The following RASSF2 variants were observed in gnomAD, a reference collection of about 807,000 sequenced individuals.
RASSF2 encodes Ras association domain family member 2.
In RASSF2, 34 loss-of-function variants were observed where a neutral mutation model predicts 46.3. The ratio of observed to expected loss-of-function variants is 0.73; its 90% CI spans 0.56 to 0.98. The LOEUF (loss-of-function observed/expected upper bound fraction) is 0.98. Among genes scored for constraint, RASSF2 ranks in the 50% least tolerant of loss-of-function variants. The pLI is 0.00. For missense variants in RASSF2, 364 were observed against 431.2 expected, an observed-to-expected ratio of 0.84 and a Z score of 1.38; for synonymous variants, 158 against 162.5, an observed-to-expected ratio of 0.97 and a Z score of 0.21.
intron 2 of RASSF2, among the ~76,000 whole-genome samples, chr20:4,807,594 T>G (rs1009049256): frequency 6.6e-6 from 1 of 152,206 alleles, no homozygotes; most frequent in African/African-American, 2.4e-5. Flanking sequence ...CTTACCAGAT[T>G]GATACACATC....
At chr20:4,813,012 C>T (rs973605251) in intron 2 of RASSF2, among the ~76,000 whole-genome samples, 1 of 152,106 alleles carries the variant, frequency 6.6e-6, no homozygotes, top group Non-Finnish European at 1.5e-5. Flanking sequence ...GAGAGAGGCC[C>T]AGAGCCGCAG....
In RASSF2 at chr20:4,789,869, A is replaced by G. The variant is rs559183389; in HGVS notation, c.538-172T>C. Among the ~76,000 whole-genome samples, 50 of 152,316 alleles carry G rather than the reference A, an allele frequency of 3.3e-4. 1 individual carries two copies. The highest frequency in any genetic ancestry group is 3.4e-3 in the Middle Eastern group (1 of 294). ...AGACAAAGCAACCCTCGGGGTTTGC[A>G]TAATTCAGTTCATGCTCCACGCTCA... On this transcript the variant is annotated intron_variant, in intron 7 of 11. Coordinates refer to ENST00000379400, the MANE Select transcript of RASSF2 (RefSeq NM_014737.3).
rs1391690447 is a variant in RASSF2, at chr20:4,792,584, C to G, written c.331G>C (p.Glu111Gln). The change falls in exon 6 of 12, where the codon GAG (glutamate) becomes CAG (glutamine). Residue 111 changes from glutamate to glutamine, a missense_variant. Transcript: ENST00000379400. ...PLTVPKVQISEVDAPPEGDQM... is the reference protein window; with the variant it reads ...PLTVPKVQISQVDAPPEGDQM... Reference sequence around the variant, plus strand: ...TCACCCTCCGGCGGGGCATCCACCTCTGAGATCTGAACTTTGGGCACAGTC... The same window carrying G: ...TCACCCTCCGGCGGGGCATCCACCTGTGAGATCTGAACTTTGGGCACAGTC... 7 of 1,614,056 alleles carry G rather than the reference C, an allele frequency of 4.3e-6. No homozygotes were observed. Among genetic ancestry groups the G allele is most frequent in the Admixed American group, 1.7e-5 (1 of 60,006 alleles).
chr20:4,786,571 CATG>C (rs778256607), intron 10 of RASSF2, among the ~76,000 whole-genome samples: 11 of 152,152 alleles, frequency 7.2e-5, no homozygotes, highest in Non-Finnish European at 1.6e-4. Context: ...GCATTCAATT[CATG>C]ATGAGGTGAA....
Position 4,792,585 on chromosome 20 carries a change from T to C in RASSF2, c.330A>G (p.Ser110=). ...KPLTVPKVQI[S]EVDAPPEGDQ... is the part of the protein sequence containing the mutation. ...CACCCTCCGGCGGGGCATCCACCTC[T>C]GAGATCTGAACTTTGGGCACAGTCA... is the stretch of plus-strand genomic sequence containing the variant. The change falls in exon 6 of 12, where the codon TCA becomes TCG. Residue 110 remains serine, a synonymous_variant. Coordinates refer to ENST00000379400, the MANE Select transcript of RASSF2 (RefSeq NM_014737.3). 1 of 1,613,966 alleles carries C rather than the reference T, an allele frequency of 6.2e-7. No individual in the cohort carries two copies. Among genetic ancestry groups the C allele is most frequent in the Non-Finnish European group, 8.5e-7 (1 of 1,179,894 alleles).
intron 2 of RASSF2, among the ~76,000 whole-genome samples, chr20:4,804,219 G>C (rs895919443): frequency 1.3e-5 from 2 of 151,712 alleles, no homozygotes; most frequent in East Asian, 1.9e-4. Flanking sequence ...AACACAATTG[G>C]TCTCTCTAAA....
At chr20:4,822,945 G>A (rs1229845701) in intron 1 of RASSF2, among the ~76,000 whole-genome samples, 3 of 152,138 alleles carry the variant, frequency 2.0e-5, no homozygotes, top group Middle Eastern at 3.2e-3. Flanking sequence ...CCCCGGGGAT[G>A]GGGTGGGAGC....
At chr20:4,789,528 C>T in intron 8 of RASSF2, 68 bp downstream of exon 8, 1 of 1,369,980 alleles carries the variant, frequency 7.3e-7, no homozygotes, top group Non-Finnish European at 1.0e-6. Flanking sequence ...GCTCCTCGCA[C>T]AACCACTCTA....
chr20:4,784,316 C>A lies in RASSF2; in HGVS notation c.938G>T (p.Arg313Leu). Residue 313 changes from arginine (R) to leucine (L), a missense_variant, in exon 12 of 12, where the codon CGA becomes CTA. By Grantham distance (102) the Arg-to-Leu change is moderately radical. Coordinates refer to ENST00000379400, the MANE Select transcript of RASSF2 (RefSeq NM_014737.3). ...RKYTVLRLMI[R>L]QRLEEIAETP... ...CTCGGCTATCTCCTCCAGCCTCTGT[C>A]GAATCATTAGCCGGAGCACGGTGTA... 1 of 1,613,906 alleles carries A rather than the reference C, an allele frequency of 6.2e-7. No individual in the cohort carries two copies. Among genetic ancestry groups the A allele is most frequent in the Non-Finnish European group, 8.5e-7 (1 of 1,179,922 alleles).
intron 2 of RASSF2, among the ~76,000 whole-genome samples, chr20:4,804,503 A>C (rs919806241): frequency 6.6e-6 from 1 of 151,708 alleles, no homozygotes; most frequent in African/African-American, 2.4e-5. Flanking sequence ...ACGCTCAGCT[A>C]ATTTTTTGTA....
intron 2 of RASSF2, among the ~76,000 whole-genome samples, chr20:4,804,275 A>G (rs566309333): frequency 6.6e-6 from 1 of 151,826 alleles, no homozygotes; most frequent in Non-Finnish European, 1.5e-5. Flanking sequence ...AAGGAAGAAT[A>G]ATCTGATCAT....
rs1011659013 is a variant in RASSF2, at chr20:4,780,585, C to T, written c.*3688G>A. On this transcript the variant is annotated 3_prime_UTR_variant, in exon 12 of 12. Coordinates refer to ENST00000379400, the MANE Select transcript of RASSF2 (RefSeq NM_014737.3). ...AAAATGTGTGCTGCTATATCAGGGA[C>T]GCTTATGGTGATCTCCTGTCTCCTA... The T allele has an allele frequency of 2.0e-5, 3 of 152,192 alleles. No individual in the cohort carries two copies. Among genetic ancestry groups the T allele is most frequent in the East Asian group, 1.9e-4 (1 of 5,196 alleles). The allele number at this position is 152,192 out of a possible 1,614,324, so 9.4% of individuals were successfully genotyped here.
At position 4,783,984 on chromosome 20, in the gene RASSF2, C is replaced by T; in HGVS notation, c.*289G>A. On this transcript the variant is annotated 3_prime_UTR_variant, in exon 12 of 12. Coordinates refer to ENST00000379400, the MANE Select transcript of RASSF2 (RefSeq NM_014737.3). Reference sequence around the variant, plus strand: ...ATTACATGTGAAAGTATCAGGTAGGCACATGGACACGTACCATGTGTGCAC... The same window carrying T: ...ATTACATGTGAAAGTATCAGGTAGGTACATGGACACGTACCATGTGTGCAC... The T allele has an allele frequency of 5.5e-6, 2 of 362,178 alleles. No homozygotes were observed. Among genetic ancestry groups the T allele is most frequent in the Non-Finnish European group, 1.0e-5 (2 of 194,934 alleles). 22.4% of individuals were successfully genotyped at this position (362,178 alleles called of 1,614,324 possible). A position where few individuals can be genotyped will look rare whatever the true frequency, so the allele number is the denominator to read the frequency against.
chr20:4,807,291 A>C (rs1047935380), intron 2 of RASSF2, among the ~76,000 whole-genome samples: 1 of 151,954 alleles, frequency 6.6e-6, no homozygotes, highest in African/African-American at 2.4e-5. Flanking sequence ...ATGCTGAAGA[A>C]ATTGATACCA....
chr20:4,788,765 A>G (rs748822851), intron 8 of RASSF2, among the ~76,000 whole-genome samples: 5 of 152,276 alleles, frequency 3.3e-5, no homozygotes, highest in Admixed American at 2.6e-4. Context: ...GTGGTGCATC[A>G]TTGACCAAAT....
intron 2 of RASSF2, among the ~76,000 whole-genome samples, chr20:4,818,363 C>G (rs187430411): frequency 6.6e-6 from 1 of 152,172 alleles, no homozygotes; most frequent in East Asian, 1.9e-4. Context: ...AGCGCTTGAA[C>G]ATATCCCATG....
intron 5 of RASSF2, among the ~76,000 whole-genome samples, chr20:4,793,710 A>C (rs1926102378): frequency 6.6e-6 from 1 of 151,590 alleles, no homozygotes; most frequent in Non-Finnish European, 1.5e-5. Context: ...TGAATTCCTG[A>C]GCTCAAGTGA....
At chr20:4,784,809 C>G (rs950687643) in intron 11 of RASSF2, among the ~76,000 whole-genome samples, 3 of 152,176 alleles carry the variant, frequency 2.0e-5, no homozygotes, top group Non-Finnish European at 4.4e-5. Flanking sequence ...ATGGTTCAAC[C>G]TTATAACAGA....
chr20:4,800,175 C>A (rs950250226), intron 3 of RASSF2, among the ~76,000 whole-genome samples: 1 of 151,944 alleles, frequency 6.6e-6, no homozygotes, highest in African/African-American at 2.4e-5. Context: ...TCTATTTTGG[C>A]TCAAGCCCAG....
Sources: gnomAD v4.1 joint callset for allele counts (sites outside exome capture counted in the v4.1 genomes callset) on GRCh38, gnomAD v4.1.1 for gene constraint, MANE v1.5 for transcripts, NCBI Gene and HGNC (gene_info 2026-07-23, HGNC 2026-07-21) for gene names.